Variants in EYS observed in about 807,000 individuals in gnomAD.
EYS encodes EGF-like photoreceptor maintenance factor.
A neutral mutation model predicts 282.1 loss-of-function variants in EYS; 250 were observed. That is an observed-to-expected ratio of 0.89 (90% CI 0.80 to 0.98). The LOEUF is 0.98. EYS is among the 50% of genes least tolerant of loss of function. The pLI is 0.00. For synonymous variants in EYS, 1,355 were observed against 1,282.9 expected (o/e 1.06, Z -1.20); for missense variants, 4,016 against 3,709.0 (o/e 1.08, Z -2.15).
intron 31 of EYS, among the ~76,000 whole-genome samples, chr6:64,179,482 T>C (rs1365708637): frequency 1.3e-5 from 2 of 152,134 alleles, no homozygotes; most frequent in African/African-American, 2.4e-5. Flanking sequence ...AGCTTATTAC[T>C]TCTCATGAAA....
At chr6:65,345,612 AT>A (rs988143472) in intron 9 of EYS, among the ~76,000 whole-genome samples, 3 of 151,732 alleles carry the variant, frequency 2.0e-5, no homozygotes, top group Non-Finnish European at 4.4e-5. Flanking sequence ...TCCAACTAGT[AT>A]TTTTTTAGAA....
chr6:64,725,961 G>T (rs1771740705), intron 22 of EYS, among the ~76,000 whole-genome samples: 1 of 152,048 alleles, frequency 6.6e-6, no homozygotes, highest in South Asian at 2.1e-4. Context: ...TTATCACTAT[G>T]CAATGTAAAC....
At chr6:64,802,027 TTTTTTC>T (rs1431462596) in intron 22 of EYS, among the ~76,000 whole-genome samples, 16 of 114,366 alleles carry the variant, frequency 1.4e-4, no homozygotes, top group East Asian at 7.0e-4. Context: ...CTTTTTCTTT[TTTTTTC>T]TTTTTTTTTT....
At chr6:64,653,045 T>C (rs866180547) in intron 22 of EYS, among the ~76,000 whole-genome samples, 3 of 152,172 alleles carry the variant, frequency 2.0e-5, no homozygotes, top group Non-Finnish European at 4.4e-5. Flanking sequence ...TCTTTGCCGA[T>C]GAAAGTAAGA....
chr6:65,620,531 G>GT (rs1354709484), intron 2 of EYS, among the ~76,000 whole-genome samples: 4 of 151,130 alleles, frequency 2.6e-5, no homozygotes, highest in African/African-American at 7.3e-5. Context: ...TTTTTGAAGG[G>GT]TTTTTTGTGT....
Position 64,626,267 on chromosome 6 carries a change from G to T in EYS, c.3444-22C>A, listed in dbSNP as rs532936450. 5.9e-6 allele frequency: 9 copies of T among 1,518,294 alleles called. No individual in the cohort carries two copies. The African/African-American group carries it at 7.1e-5, about 12-fold the overall frequency. 94.1% of individuals were successfully genotyped at this position (1,518,294 alleles called of 1,614,324 possible). ...ACATCTAAGGAAAAAAAATGAAAAC[G>T]ATATTTGTATATATTATACACATGA... is the stretch of plus-strand genomic sequence containing the variant. On this transcript the variant is annotated intron_variant, in intron 22 of 42. Coordinates refer to ENST00000503581, the MANE Select transcript of EYS (RefSeq NM_001142800.2).
chr6:64,111,548 G>A (rs1486495645), intron 31 of EYS, among the ~76,000 whole-genome samples: 1 of 152,050 alleles, frequency 6.6e-6, no homozygotes, highest in Non-Finnish European at 1.5e-5. Flanking sequence ...GAAGGTAATA[G>A]TGAATGTCTG....
chr6:64,698,950 T>A (rs1770682098), intron 22 of EYS, among the ~76,000 whole-genome samples: 1 of 152,162 alleles, frequency 6.6e-6, no homozygotes, highest in South Asian at 2.1e-4. Context: ...GAACTATGAT[T>A]CAACCCAGCA....
chr6:64,401,043 A>G (rs930897345), intron 28 of EYS, among the ~76,000 whole-genome samples: 3 of 152,110 alleles, frequency 2.0e-5, no homozygotes, highest in Non-Finnish European at 4.4e-5. Flanking sequence ...GATGAGGGTG[A>G]CCTACTGTGA....
At chr6:64,967,128 T>C (rs776188752) in intron 14 of EYS, among the ~76,000 whole-genome samples, 1 of 151,882 alleles carries the variant, frequency 6.6e-6, no homozygotes, top group Non-Finnish European at 1.5e-5. Context: ...AATTATGGCA[T>C]CCATTTTCCA....
chr6:65,082,535 A>G (rs1184104556), intron 12 of EYS, among the ~76,000 whole-genome samples: 4 of 152,072 alleles, frequency 2.6e-5, no homozygotes. Flanking sequence ...AAATCATAAC[A>G]TACTCTACTT....
intron 22 of EYS, among the ~76,000 whole-genome samples, chr6:64,716,505 C>G (rs1171630620): frequency 6.6e-6 from 1 of 152,168 alleles, no homozygotes; most frequent in Non-Finnish European, 1.5e-5. Context: ...ACAATTGTGC[C>G]TTAATATCCT....
At chr6:64,884,281 C>G (rs1396541512) in intron 19 of EYS, among the ~76,000 whole-genome samples, 1 of 151,504 alleles carries the variant, frequency 6.6e-6, no homozygotes, top group Admixed American at 6.6e-5. Context: ...GTTATTTTAA[C>G]TTTCCTCTCT....
At chr6:65,405,729 A>T (rs1479330044) in intron 5 of EYS, among the ~76,000 whole-genome samples, 2 of 151,804 alleles carry the variant, frequency 1.3e-5, no homozygotes, top group Admixed American at 6.6e-5. Flanking sequence ...TTGCATAGCA[A>T]TTTTTTTTAA....
intron 15 of EYS, among the ~76,000 whole-genome samples, chr6:64,932,074 C>T (rs1222478316): frequency 1.1e-4 from 16 of 152,004 alleles, no homozygotes; most frequent in Admixed American, 1.0e-3. Flanking sequence ...AGGCTTGAAA[C>T]AATCTCCGTG....
chr6:63,768,941 G>C (rs1461355736), intron 40 of EYS, among the ~76,000 whole-genome samples: 1 of 151,974 alleles, frequency 6.6e-6, no homozygotes, highest in Admixed American at 6.6e-5. Flanking sequence ...GCAGCTGGAG[G>C]CCATTATCTT....
At chr6:65,249,015 T>C (rs185527977) in intron 12 of EYS, among the ~76,000 whole-genome samples, 2 of 151,716 alleles carry the variant, frequency 1.3e-5, no homozygotes, top group East Asian at 3.9e-4. Context: ...ATTAAGTTGA[T>C]TTAAGAATAT....
chr6:65,599,044 C>T (rs574016930), intron 2 of EYS, among the ~76,000 whole-genome samples: 16 of 151,942 alleles, frequency 1.1e-4, no homozygotes, highest in African/African-American at 3.9e-4. Context: ...CAGGACTGCC[C>T]GCATATACCA....
intron 5 of EYS, among the ~76,000 whole-genome samples, chr6:65,458,945 G>C (rs1764722296): frequency 6.6e-6 from 1 of 151,976 alleles, no homozygotes; most frequent in South Asian, 2.1e-4. Context: ...GAGACTTATT[G>C]TCACAACTTT....
Sources: allele counts gnomAD v4.1 joint callset (sites outside exome capture counted in the v4.1 genomes callset), GRCh38; gene constraint gnomAD v4.1.1; transcripts MANE v1.5; gene names NCBI Gene and HGNC (gene_info 2026-07-23, HGNC 2026-07-21).